NEDD8: variants seen among roughly 807,000 people sequenced by gnomAD.
NEDD8 encodes the protein NEDD8 ubiquitin like modifier.
A neutral mutation model predicts 13.8 loss-of-function variants in NEDD8; 1 was observed. That is an observed-to-expected ratio of 0.07 (90% CI 0.03 to 0.34). The LOEUF is 0.34. Ranked by LOEUF, NEDD8 falls within the 10% of genes least tolerant of loss-of-function variation. The pLI is 0.99. For synonymous variants in NEDD8, 31 were observed against 33.2 expected (o/e 0.93, Z 0.23); for missense variants, 10 against 95.2 (o/e 0.10, Z 3.73).
At chr14:24,229,510 G>A (rs1013071444) in intron 1 of NEDD8, among the ~76,000 whole-genome samples, 11 of 152,010 alleles carry the variant, frequency 7.2e-5, no homozygotes, top group East Asian at 1.9e-4. Context: ...GAGCCACCAC[G>A]CCTGGCCTTT....
In NEDD8 at chr14:24,218,369, T is replaced by A. The variant is rs776547749; in HGVS notation, c.66+15A>T. On this transcript the variant is annotated intron_variant, in intron 2 of 3. Coordinates refer to ENST00000250495, the MANE Select transcript of NEDD8 (RefSeq NM_006156.3). ...ATGGCAAGAAGTACATGAAGAGGAG[T>A]TGGGCATGCATCACCTTGTCTGTAG... is the stretch of plus-strand genomic sequence containing the variant. The A allele has an allele frequency of 6.2e-7, 1 of 1,613,772 alleles. No homozygotes were observed. The highest frequency in any genetic ancestry group is 8.5e-7 in the Non-Finnish European group (1 of 1,179,852).
intron 1 of NEDD8, among the ~76,000 whole-genome samples, chr14:24,230,984 G>A (rs1372592986): frequency 6.6e-6 from 1 of 151,728 alleles, no homozygotes; most frequent in African/African-American, 2.4e-5. Flanking sequence ...CGACATCCCA[G>A]GATCAATCAA....
chr14:24,230,543 A>C lies in NEDD8; in HGVS notation c.18+1707T>G, dbSNP rs1462585421. ...GAGCGAGACTCTGTCTCAAAAAAAA[A>C]AAAAAAAAAAATCATAAAACAATAT... is the stretch of plus-strand genomic sequence containing the variant. On this transcript the variant is annotated intron_variant, in intron 1 of 3. Coordinates refer to ENST00000250495, the MANE Select transcript of NEDD8 (RefSeq NM_006156.3). Among the ~76,000 whole-genome samples the C allele has an allele frequency of 2.7e-5, 4 of 148,758 alleles. No homozygotes were observed. The Admixed American group carries it at 2.7e-4, about 10-fold the overall frequency.
intron 1 of NEDD8, among the ~76,000 whole-genome samples, chr14:24,220,805 C>G (rs557578643): frequency 6.6e-6 from 1 of 152,262 alleles, no homozygotes; most frequent in African/African-American, 2.4e-5. Flanking sequence ...TTCCCTGGTC[C>G]CAGAGCCTGT....
chr14:24,229,444 T>C lies in NEDD8; in HGVS notation c.18+2806A>G, dbSNP rs1030826085. ...CATGTTGGCCAGGCTGGTCTTGAAC[T>C]CCTGACCTCGTGATCCGCCCGCCTT... On this transcript the variant is annotated intron_variant, in intron 1 of 3. Coordinates refer to ENST00000250495, the MANE Select transcript of NEDD8 (RefSeq NM_006156.3). Among the ~76,000 whole-genome samples the C allele has an allele frequency of 2.0e-5, 3 of 152,156 alleles. No individual in the cohort carries two copies. In the East Asian group the frequency reaches 5.8e-4, roughly 29 times the overall value.
chr14:24,221,676 C>T (rs939655530), intron 1 of NEDD8, among the ~76,000 whole-genome samples: 1 of 152,148 alleles, frequency 6.6e-6, no homozygotes, highest in African/African-American at 2.4e-5. Flanking sequence ...GCTCACCCTG[C>T]AACCTCTGCC....
intron 1 of NEDD8, among the ~76,000 whole-genome samples, chr14:24,225,944 G>A (rs1401402009): frequency 3.3e-5 from 5 of 151,906 alleles, no homozygotes; most frequent in Non-Finnish European, 7.4e-5. Context: ...GGAGGCTGAG[G>A]AGGAGAAATG....
chr14:24,220,397 C>T (rs2039786466), intron 1 of NEDD8, among the ~76,000 whole-genome samples: 1 of 152,176 alleles, frequency 6.6e-6, no homozygotes, highest in Non-Finnish European at 1.5e-5. Flanking sequence ...TCCTGGCTCA[C>T]TGCAGCCTTG....
In NEDD8 at chr14:24,224,491, C is replaced by T. The variant is rs571333096; in HGVS notation, c.19-6060G>A. Reference sequence around the variant, plus strand: ...GATTACAGGTGTGAGCCACTGTACCCGGCTAAGTTTCAGTTTTTAAATTTA... The same window carrying T: ...GATTACAGGTGTGAGCCACTGTACCTGGCTAAGTTTCAGTTTTTAAATTTA... On this transcript the variant is annotated intron_variant, in intron 1 of 3. Coordinates refer to ENST00000250495, the MANE Select transcript of NEDD8 (RefSeq NM_006156.3). 7.9e-5 allele frequency among the ~76,000 whole-genome samples: 12 copies of T among 152,286 alleles called. No homozygotes were observed. In the East Asian group the frequency reaches 1.3e-3, roughly 17 times the overall value.
In NEDD8 at chr14:24,232,320, G is replaced by T; in HGVS notation, c.-53C>A. The T allele has an allele frequency of 6.2e-7, 1 of 1,608,096 alleles. No homozygotes were observed. Among genetic ancestry groups the T allele is most frequent in the Non-Finnish European group, 8.5e-7 (1 of 1,178,210 alleles). ...GATAAATTGCTGCTCCTACCGCTCC[G>T]GTCGCCGCTGCCGCCCTCCAGCACT... On this transcript the variant is annotated 5_prime_UTR_variant, in exon 1 of 4. Transcript: ENST00000250495.
At chr14:24,224,759 A>G (rs1192259145) in intron 1 of NEDD8, among the ~76,000 whole-genome samples, 1 of 152,192 alleles carries the variant, frequency 6.6e-6, no homozygotes, top group African/African-American at 2.4e-5. Context: ...ATACCACATC[A>G]CCACCTATGA....
At chr14:24,219,395 A>T (rs2039761599) in intron 1 of NEDD8, among the ~76,000 whole-genome samples, 4 of 144,030 alleles carry the variant, frequency 2.8e-5, no homozygotes, top group Admixed American at 2.2e-4. Flanking sequence ...AGGTGGGAGG[A>T]TCACTTGAGT....
chr14:24,218,069 GC>G, intron 3 of NEDD8, 63 bp downstream of exon 3: 1 of 1,605,658 alleles, frequency 6.2e-7, no homozygotes, highest in Non-Finnish European at 8.5e-7. Flanking sequence ...CTCAGTACGT[GC>G]CCCCTCTCCT....
chr14:24,225,362 A>AAG (rs962991163), intron 1 of NEDD8, among the ~76,000 whole-genome samples: 3 of 152,270 alleles, frequency 2.0e-5, no homozygotes, highest in Non-Finnish European at 4.4e-5. Flanking sequence ...TTAATAAAAA[A>AAG]AGAGAGAGAG....
intron 1 of NEDD8, among the ~76,000 whole-genome samples, chr14:24,229,279 G>GCA (rs1200969042): frequency 6.6e-6 from 1 of 152,180 alleles, no homozygotes; most frequent in African/African-American, 2.4e-5. Context: ...GAGTGCAATG[G>GCA]CACGATCTTG....
intron 1 of NEDD8, among the ~76,000 whole-genome samples, chr14:24,221,288 T>C (rs2039804584): frequency 9.8e-6 from 1 of 102,350 alleles, no homozygotes; most frequent in African/African-American, 7.7e-5. Context: ...TTTCACTTTC[T>C]TTTTTTTTTT....
chr14:24,219,902 AG>A (rs2039775238), intron 1 of NEDD8, among the ~76,000 whole-genome samples: 1 of 152,014 alleles, frequency 6.6e-6, no homozygotes, highest in Admixed American at 6.6e-5. Context: ...CACTTTGGGA[AG>A]CTGAGGTGGG....
chr14:24,224,084 C>T (rs927913149), intron 1 of NEDD8, among the ~76,000 whole-genome samples: 4 of 152,174 alleles, frequency 2.6e-5, no homozygotes, highest in South Asian at 2.1e-4. Context: ...CCCGCCACTA[C>T]GCCCAGGCTA....
intron 1 of NEDD8, 158 bp downstream of exon 1, chr14:24,232,091 TG>T: frequency 1.7e-6 from 2 of 1,162,704 alleles, no homozygotes; most frequent in Non-Finnish European, 1.2e-6. Context: ...AAAGCCCTTC[TG>T]GGTCCCCCTA....
Sources: gnomAD v4.1 joint callset for allele counts (sites outside exome capture counted in the v4.1 genomes callset) on GRCh38, gnomAD v4.1.1 for gene constraint, MANE v1.5 for transcripts, NCBI Gene and HGNC (gene_info 2026-07-23, HGNC 2026-07-21) for gene names.